Variants in ZNF763 observed in about 807,000 individuals in gnomAD.
ZNF763 encodes the protein zinc finger protein 763.
In ZNF763, 33 loss-of-function variants were observed where a neutral mutation model predicts 38.0. The ratio of observed to expected loss-of-function variants is 0.87; its 90% CI spans 0.66 to 1.16. The LOEUF is 1.16. Ranked by LOEUF, ZNF763 falls within the 50% of genes most tolerant of loss-of-function variation. ZNF763 has a pLI of 0.00. For missense variants in ZNF763, 423 were observed against 469.1 expected, an observed-to-expected ratio of 0.90 and a Z score of 0.91; for synonymous variants, 155 against 160.1, an observed-to-expected ratio of 0.97 and a Z score of 0.24.
chr19:11,965,236 C>T (rs899313850), intron 1 of ZNF763, 25 bp downstream of exon 1: 2 of 1,613,746 alleles, frequency 1.2e-6, no homozygotes, highest in African/African-American at 1.3e-5. Context: ...CCGGTTGTCC[C>T]GAGACGGGGT....
chr19:11,976,592 T>TGTG lies in ZNF763; in HGVS notation c.4-441_4-439dup, dbSNP rs1213364089. On this transcript the variant is annotated intron_variant, in intron 1 of 3. Coordinates refer to ENST00000358987, the MANE Select transcript of ZNF763 (RefSeq NM_001367172.2). ...AAAAAAAAAAAAATTGCTGGCCAGG[T>TGTG]GTGGTGGCTCATGCCTGTAATTTCA... Among the ~76,000 whole-genome samples, 4 of 127,418 alleles carry TGTG rather than the reference T, an allele frequency of 3.1e-5. No homozygotes were observed. The East Asian group carries it at 9.3e-4, about 30-fold the overall frequency. The allele number at this position is 127,418 out of a possible 152,430, so 83.6% of individuals were successfully genotyped here.
intron 1 of ZNF763, among the ~76,000 whole-genome samples, chr19:11,973,340 T>C (rs1180604062): frequency 5.3e-5 from 8 of 152,198 alleles, no homozygotes. Context: ...AAAATATGCC[T>C]TGAAGGTCTC....
Position 11,978,538 on chromosome 19 carries a change from G to A in ZNF763, c.614G>A (p.Cys205Tyr). The change falls in exon 4 of 4, where the codon TGT (cysteine) becomes TAT (tyrosine). Residue 205 changes from cysteine to tyrosine, a missense_variant. By Grantham distance (194) the Cys-to-Tyr change is radical (BLOSUM62 -2). Coordinates refer to ENST00000358987, the MANE Select transcript of ZNF763 (RefSeq NM_001367172.2). ...SGDGPYKCKF[C>Y]GKAVHCLRLY... is the part of the protein sequence containing the mutation. ...GATGGACCTTATAAATGTAAGTTTT[G>A]TGGGAAAGCTGTCCATTGTCTCAGA... The A allele has an allele frequency of 6.2e-7, 1 of 1,614,228 alleles. No individual in the cohort carries two copies. Among genetic ancestry groups the A allele is most frequent in the Non-Finnish European group, 8.5e-7 (1 of 1,180,032 alleles).
intron 1 of ZNF763, chr19:11,976,766 T>G: frequency 1.3e-6 from 1 of 746,920 alleles, no homozygotes; most frequent in Non-Finnish European, 1.8e-6. Flanking sequence ...CTCGGGAGGC[T>G]GAGGCAGGAG....
Position 11,979,400 on chromosome 19 carries a change from C to A in ZNF763, c.*291C>A. On this transcript the variant is annotated 3_prime_UTR_variant, in exon 4 of 4. Transcript: ENST00000358987. ...GAAAGCCTTCAGATCTGCCTCACAC[C>A]TTCAAATTCATGAAAGGACACAAAC... 1 of 1,609,164 alleles carries A rather than the reference C, an allele frequency of 6.2e-7. No individual in the cohort carries two copies.
Position 11,978,574 on chromosome 19 carries a change from T to G in ZNF763, c.650T>G (p.Ile217Ser). 1 of 1,614,190 alleles carries G rather than the reference T, an allele frequency of 6.2e-7. No homozygotes were observed. The highest frequency in any genetic ancestry group is 8.5e-7 in the Non-Finnish European group (1 of 1,180,020). The change falls in exon 4 of 4, where the codon ATC becomes AGC. Residue 217 changes from isoleucine to serine, a missense_variant. Coordinates refer to ENST00000358987, the MANE Select transcript of ZNF763 (RefSeq NM_001367172.2). ...KAVHCLRLYL[I>S]HERTHTGEKP... ...GTCCATTGTCTCAGATTATATCTTA[T>G]CCATGAAAGAACTCACACTGGAGAG...
intron 1 of ZNF763, 31 bp downstream of exon 1, chr19:11,965,242 G>C (rs777571913): frequency 1.2e-6 from 2 of 1,613,702 alleles, no homozygotes; most frequent in Non-Finnish European, 1.7e-6. Flanking sequence ...GTCCCGAGAC[G>C]GGGTAGAGGC....
intron 1 of ZNF763, among the ~76,000 whole-genome samples, chr19:11,974,972 C>T (rs1334550733): frequency 6.6e-6 from 1 of 152,192 alleles, no homozygotes; most frequent in African/African-American, 2.4e-5. Context: ...AGGAATTTTA[C>T]ATGTACAGTT....
At position 11,974,090 on chromosome 19, in the gene ZNF763, TTTC is replaced by T. The variant is rs1353879219; in HGVS notation, c.4-2945_4-2943del. On this transcript the variant is annotated intron_variant, in intron 1 of 3. Transcript: ENST00000358987. ...TTTCTTTTCTTTCTTTCTTTCTTTC[TTTC>T]TTTCTTTCTTTCTTTCTTTCTTTCT... is the stretch of plus-strand genomic sequence containing the variant. Among the ~76,000 whole-genome samples the T allele has an allele frequency of 9.3e-5, 8 of 85,720 alleles. No individual in the cohort carries two copies. In the South Asian group the frequency reaches 1.6e-3, roughly 17 times the overall value. The allele number at this position is 85,720 out of a possible 152,430, so 56.2% of individuals were successfully genotyped here.
intron 3 of ZNF763, 147 bp downstream of exon 3, chr19:11,977,578 ACTAAGTCTGAGGG>A: frequency 9.1e-7 from 1 of 1,094,030 alleles, no homozygotes; most frequent in Non-Finnish European, 1.3e-6. Context: ...TTTACATGTG[ACTAAGTCTGAGGG>A]CTCACTCCTG....
At chr19:11,976,916 G>A (rs1381358284) in intron 1 of ZNF763, 122 bp from the exon 2 acceptor site, 5 of 1,543,714 alleles carry the variant, frequency 3.2e-6, no homozygotes, top group Admixed American at 4.5e-5. Context: ...GCGAGAAAGG[G>A]ATGTGATGAC....
In ZNF763 at chr19:11,973,480, G is replaced by C. The variant is rs552236954; in HGVS notation, c.4-3558G>C. Among the ~76,000 whole-genome samples, 25 of 152,262 alleles carry C rather than the reference G, an allele frequency of 1.6e-4. No homozygotes were observed. In the South Asian group the frequency reaches 2.7e-3, roughly 16 times the overall value. On this transcript the variant is annotated intron_variant, in intron 1 of 3. Transcript: ENST00000358987. Reference sequence around the variant, plus strand: ...TTCTCCCACCTCAGCTTCCCAGAGTGCTGGGATTCCTCTTGTGAGCCACCA... The same window carrying C: ...TTCTCCCACCTCAGCTTCCCAGAGTCCTGGGATTCCTCTTGTGAGCCACCA...
intron 1 of ZNF763, among the ~76,000 whole-genome samples, chr19:11,973,261 A>G (rs113958676): frequency 0.019 from 2,866 of 152,004 alleles, 35 homozygotes; most frequent in African/African-American, 0.026. Flanking sequence ...AGAGTTTTGC[A>G]TTTTCCAGAA....
chr19:11,967,815 G>T (rs1334958890), intron 1 of ZNF763, among the ~76,000 whole-genome samples: 1 of 152,250 alleles, frequency 6.6e-6, no homozygotes, highest in African/African-American at 2.4e-5. Context: ...TTTTTGTTAT[G>T]TAGGGGTCTT....
chr19:11,977,297 A>G (rs1599320922), intron 2 of ZNF763, 74 bp from the exon 3 acceptor site: 1 of 1,605,904 alleles, frequency 6.2e-7, no homozygotes, highest in East Asian at 2.2e-5. Flanking sequence ...GCAGTAAATC[A>G]TAGACATAGA....
chr19:11,972,724 T>G (rs1009668513), intron 1 of ZNF763, among the ~76,000 whole-genome samples: 2 of 152,192 alleles, frequency 1.3e-5, no homozygotes, highest in Non-Finnish European at 2.9e-5. Context: ...AGTGGTTGTT[T>G]GCCCAAAACG....
intron 1 of ZNF763, among the ~76,000 whole-genome samples, chr19:11,975,191 C>T (rs1028607491): frequency 9.9e-5 from 15 of 151,682 alleles, no homozygotes; most frequent in Non-Finnish European, 1.9e-4. Context: ...CTCCGCCTCC[C>T]GGGTTCAAGC....
chr19:11,972,468 T>C (rs1191432846), intron 1 of ZNF763, among the ~76,000 whole-genome samples: 2 of 152,170 alleles, frequency 1.3e-5, no homozygotes, highest in African/African-American at 2.4e-5. Flanking sequence ...ACAAAATACA[T>C]AAAAGAATTG....
intron 1 of ZNF763, among the ~76,000 whole-genome samples, chr19:11,967,380 C>G (rs536082646): frequency 8.5e-5 from 13 of 152,108 alleles, no homozygotes; most frequent in Non-Finnish European, 1.6e-4. Context: ...GAAGACCAAC[C>G]TGGCTAACAC....
Sources: allele counts gnomAD v4.1 joint callset (sites outside exome capture counted in the v4.1 genomes callset), GRCh38; gene constraint gnomAD v4.1.1; transcripts MANE v1.5; gene names NCBI Gene and HGNC (gene_info 2026-07-23, HGNC 2026-07-21).